DUSP11: variants seen among roughly 807,000 people sequenced by gnomAD.
DUSP11 encodes dual specificity phosphatase 11.
Under a neutral mutation model 41.4 loss-of-function variants are expected in DUSP11, and 27 were observed. The ratio of observed to expected loss-of-function variants is 0.65; its 90% confidence interval spans 0.48 to 0.90. DUSP11 has a LOEUF of 0.90. Among genes scored for constraint, DUSP11 ranks in the 40% least tolerant of loss-of-function variants. DUSP11 has a pLI of 0.00. For missense variants in DUSP11, 465 were observed against 461.1 expected (o/e 1.01, Z -0.08); for synonymous variants, 188 against 159.3 (o/e 1.18, Z -1.35).
chr2:73,774,939 A>G, exon 3 of DUSP11: 1 of 1,609,044 alleles, frequency 6.2e-7, no homozygotes, highest in East Asian at 2.2e-5. Flanking sequence ...CGTTGAGTAT[A>G]TGTTAAATCA....
intron 4 of DUSP11, among the ~76,000 whole-genome samples, chr2:73,770,659 T>G (rs953776610): frequency 6.6e-6 from 1 of 152,176 alleles, no homozygotes; most frequent in Non-Finnish European, 1.5e-5. Context: ...GGCTGGGTTG[T>G]TTTTGCTTAA....
rs1672756659 is a variant in DUSP11 at position 73,779,762 on chromosome 2, G to C, written c.242+112C>G. 4 of 1,513,400 alleles carry C rather than the reference G, an allele frequency of 2.6e-6. No individual in the cohort carries two copies. In the African/African-American group the frequency reaches 5.5e-5, roughly 21 times the overall value. The allele number at this position is 1,513,400 out of a possible 1,614,324, so 93.7% of individuals were successfully genotyped here. On this transcript the variant is annotated intron_variant, in intron 1 of 8. Coordinates refer to ENST00000272444, the Ensembl canonical transcript of DUSP11. The stretch of plus-strand genomic sequence containing the variant: ...GGTCAAAGCCTCAAAGCAAGCGGCG[G>C]ACAAGTCAAGCTTGCGATGGCAACG...
At chr2:73,779,744 G>T in intron 1 of DUSP11, 130 bp downstream of exon 1, 1 of 1,420,398 alleles carries the variant, frequency 7.0e-7, no homozygotes, top group Non-Finnish European at 9.5e-7. Flanking sequence ...GAGGGTCAAA[G>T]CCTCAAAGCA....
At chr2:73,769,680 C>G (rs1672535570) in intron 4 of DUSP11, among the ~76,000 whole-genome samples, 1 of 152,176 alleles carries the variant, frequency 6.6e-6, no homozygotes, top group African/African-American at 2.4e-5. Flanking sequence ...CTGAATCAAA[C>G]AAATAAAAGG....
chr2:73,779,875 T>C, exon 1 of DUSP11: 1 of 1,614,084 alleles, frequency 6.2e-7, no homozygotes, highest in Non-Finnish European at 8.5e-7. Context: ...ACATACTACC[T>C]TTCGGGGATG....
At chr2:73,768,425 A>G (rs1433106278) in intron 5 of DUSP11, 51 of 982,174 alleles carry the variant, frequency 5.2e-5, no homozygotes, top group Non-Finnish European at 5.9e-5. Context: ...TGCTCAGGAG[A>G]TATTTTCTGA....
At chr2:73,766,627 G>A in intron 7 of DUSP11, 33 bp from the exon 8 acceptor site, 1 of 1,572,616 alleles carries the variant, frequency 6.4e-7, no homozygotes, top group Admixed American at 1.9e-5. Context: ...CAATATTACT[G>A]GTTTCCAAAT....
intron 4 of DUSP11, among the ~76,000 whole-genome samples, chr2:73,772,223 C>T (rs547309280): frequency 6.6e-6 from 1 of 152,314 alleles, no homozygotes; most frequent in East Asian, 1.9e-4. Flanking sequence ...TGTCTTCATG[C>T]TCTAACAACA....
At chr2:73,776,055 G>T (rs375544933) in intron 2 of DUSP11, among the ~76,000 whole-genome samples, 2 of 151,788 alleles carry the variant, frequency 1.3e-5, no homozygotes, top group East Asian at 1.9e-4. Context: ...GCTTATTTTT[G>T]AACTTTATGC....
intron 4 of DUSP11, among the ~76,000 whole-genome samples, chr2:73,769,926 T>A (rs1227888873): frequency 6.6e-6 from 1 of 152,198 alleles, no homozygotes; most frequent in East Asian, 1.9e-4. Flanking sequence ...ATTTTTCCCA[T>A]TACACCACAG....
At chr2:73,775,101 G>C in intron 2 of DUSP11, 57 bp from the exon 3 acceptor site, 1 of 1,479,364 alleles carries the variant, frequency 6.8e-7, no homozygotes, top group Non-Finnish European at 9.2e-7. Context: ...TACTACATTA[G>C]GCATTTATTC....
intron 8 of DUSP11, 25 bp downstream of exon 8, chr2:73,766,393 G>C: frequency 1.3e-6 from 2 of 1,575,252 alleles, no homozygotes; most frequent in Non-Finnish European, 8.6e-7. Context: ...CTCAATTCTA[G>C]AAAAGGGAAA....
At chr2:73,767,364 T>A (rs1221260232) in intron 5 of DUSP11, 157 bp from the exon 6 acceptor site, 10 of 584,868 alleles carry the variant, frequency 1.7e-5, no homozygotes, top group Non-Finnish European at 3.0e-5. Context: ...TGACATACCA[T>A]GACCACAAAA....
intron 1 of DUSP11, among the ~76,000 whole-genome samples, chr2:73,779,111 A>T (rs1404238858): frequency 6.6e-6 from 1 of 152,198 alleles, no homozygotes; most frequent in Non-Finnish European, 1.5e-5. Context: ...AGATTGGACC[A>T]TTGCACTCCA....
At chr2:73,774,014 G>A in intron 3 of DUSP11, 91 bp from the exon 4 acceptor site, 1 of 1,134,726 alleles carries the variant, frequency 8.8e-7, no homozygotes, top group Non-Finnish European at 1.2e-6. Context: ...TAAGCCAAGA[G>A]ATTATAACAA....
chr2:73,777,043 T>C (rs548468127), intron 2 of DUSP11, among the ~76,000 whole-genome samples: 2 of 152,254 alleles, frequency 1.3e-5, no homozygotes, highest in African/African-American at 2.4e-5. Context: ...TACAGTGGCA[T>C]GATCATGGCT....
intron 4 of DUSP11, among the ~76,000 whole-genome samples, chr2:73,770,897 T>C (rs1034633333): frequency 1.3e-5 from 2 of 152,174 alleles, no homozygotes; most frequent in African/African-American, 4.8e-5. Flanking sequence ...CTCGGCTCTG[T>C]AACATTCCTC....
In DUSP11 at chr2:73,764,817, G is replaced by A. The variant is rs182833261; in HGVS notation, c.935+1601C>T. On this transcript the variant is annotated intron_variant, in intron 8 of 8. Transcript: ENST00000272444. ...CCCCCATCTCTACTAAAATACAAAA[G>A]TTAGCTGGGCGTGGTGGCAGTGCCT... Among the ~76,000 whole-genome samples the A allele has an allele frequency of 4.3e-3, 657 of 152,200 alleles. 7 individuals carry two copies. The highest frequency in any genetic ancestry group is 0.015 in the African/African-American group (631 of 41,532).
intron 2 of DUSP11, among the ~76,000 whole-genome samples, chr2:73,777,070 T>TC (rs1220024600): frequency 6.6e-6 from 1 of 152,186 alleles, no homozygotes; most frequent in Non-Finnish European, 1.5e-5. Context: ...AGCCTTGACC[T>TC]CCTGGGTTCA....
Sources: allele counts gnomAD v4.1 joint callset (sites outside exome capture counted in the v4.1 genomes callset), GRCh38; gene constraint gnomAD v4.1.1; transcripts MANE v1.5; gene names NCBI Gene and HGNC (gene_info 2026-07-23, HGNC 2026-07-21).